The following FABP1 variants were observed in gnomAD, a reference collection of about 807,000 sequenced individuals.
FABP1 encodes fatty acid binding protein 1.
In FABP1, 13 loss-of-function variants were observed where a neutral mutation model predicts 13.7. That is an observed-to-expected ratio of 0.95 (90% CI 0.62 to 1.51). FABP1 has a LOEUF of 1.51. Among genes scored for constraint, FABP1 ranks in the 40% most tolerant of loss-of-function variants. The pLI, the probability that FABP1 is intolerant of heterozygous loss-of-function variation, is 0.00. For missense variants in FABP1, 140 were observed against 155.7 expected (o/e 0.90, Z 0.54); for synonymous variants, 48 against 59.8 (o/e 0.80, Z 0.91).
At chr2:88,125,964 A>G in intron 2 of FABP1, 1 of 460,924 alleles carries the variant, frequency 2.2e-6, no homozygotes, top group Admixed American at 3.2e-5. Context: ...TAGGGGCTGG[A>G]ACACCCCCCA....
chr2:88,124,504 A>G lies in FABP1; in HGVS notation c.323T>C (p.Ile108Thr), dbSNP rs1379921777. ...IKSVTELNGD[I>T]ITNTMTLGDI... ...GCACCACCAACTTACATTGGTGATT[A>G]TGTCGCCGTTGAGTTCGGTCACAGA... Residue 108 changes from isoleucine to threonine, a missense_variant, in exon 3 of 4, where the codon ATA becomes ACA. Physicochemically the swap from Ile to Thr is moderately conservative, Grantham distance 89 (BLOSUM62 -1). Coordinates refer to ENST00000295834, the MANE Select transcript of FABP1 (RefSeq NM_001443.3). 1.2e-6 allele frequency: 2 copies of G among 1,606,538 alleles called. No individual in the cohort carries two copies. The highest frequency in any genetic ancestry group is 1.3e-5 in the African/African-American group (1 of 74,576).
At chr2:88,127,834 G>T in intron 1 of FABP1, 117 bp downstream of exon 1, 1 of 1,056,100 alleles carries the variant, frequency 9.5e-7, no homozygotes, top group Non-Finnish European at 1.5e-6. Context: ...CCTAGTTTGT[G>T]TATATAGCCT....
At chr2:88,126,084 TG>T in intron 2 of FABP1, 91 bp downstream of exon 2, 1 of 1,350,924 alleles carries the variant, frequency 7.4e-7, no homozygotes, top group African/African-American at 1.4e-5. Context: ...ATGGTATCTG[TG>T]GGTGGAATTG....
intron 2 of FABP1, among the ~76,000 whole-genome samples, chr2:88,125,352 G>A (rs1675276840): frequency 6.6e-6 from 1 of 152,152 alleles, no homozygotes; most frequent in Admixed American, 6.5e-5. Flanking sequence ...AATTGGAGAG[G>A]CAGAAATAAA....
rs1470362971 is a variant in FABP1 at position 88,123,048 on chromosome 2, AC to A, written c.*5del. 6.2e-7 allele frequency: 1 copy of A among 1,605,480 alleles called. No homozygotes were observed. Among genetic ancestry groups the A allele is most frequent in the East Asian group, 2.2e-5 (1 of 44,804 alleles). ...CACACTAAAATAATATGAAATGCAGACTTGTTTAAATTCTCTTGCTGATTCT... is the reference window on the plus strand; with the variant it reads ...CACACTAAAATAATATGAAATGCAGATTGTTTAAATTCTCTTGCTGATTCT... On this transcript the variant is annotated 3_prime_UTR_variant, in exon 4 of 4. Transcript: ENST00000295834.
chr2:88,126,384 A>G (rs750461029), intron 1 of FABP1, 36 bp from the exon 2 acceptor site: 5 of 1,592,962 alleles, frequency 3.1e-6, no homozygotes, highest in Non-Finnish European at 4.3e-6. Flanking sequence ...ATATGGGCAG[A>G]GGTGGGAGTT....
chr2:88,124,449 C>A (rs754266246), intron 3 of FABP1, 45 bp downstream of exon 3: 1 of 1,459,028 alleles, frequency 6.9e-7, no homozygotes, highest in Non-Finnish European at 9.5e-7. Flanking sequence ...CTCCCCTCTC[C>A]CCTCAAGCAC....
At chr2:88,126,125 C>A in intron 2 of FABP1, 51 bp downstream of exon 2, 2 of 1,550,510 alleles carry the variant, frequency 1.3e-6, no homozygotes, top group Non-Finnish European at 8.8e-7. Context: ...AATGAGGTCC[C>A]AGGGCCAGGT....
chr2:88,123,152 G>T, intron 3 of FABP1, 48 bp from the exon 4 acceptor site: 2 of 1,505,102 alleles, frequency 1.3e-6, no homozygotes, highest in Non-Finnish European at 1.8e-6. Flanking sequence ...ATGTTGTATT[G>T]TAAAAAACAA....
rs926955597 is a variant in FABP1 at position 88,125,549 on chromosome 2, T to C, written c.240+627A>G. 2.0e-5 allele frequency among the ~76,000 whole-genome samples: 3 copies of C among 152,274 alleles called. No homozygotes were observed. The South Asian group carries it at 6.2e-4, about 32-fold the overall frequency. On this transcript the variant is annotated intron_variant, in intron 2 of 3. Transcript: ENST00000295834. Reference sequence around the variant, plus strand: ...CACACAGCCCACACCCCAGCTGTCATTGCACACCATGAGTTGTGCCCAGCA... The same window carrying C: ...CACACAGCCCACACCCCAGCTGTCACTGCACACCATGAGTTGTGCCCAGCA...
At chr2:88,123,438 C>T (rs1164973520) in intron 3 of FABP1, 5 of 300,542 alleles carry the variant, frequency 1.7e-5, no homozygotes, top group South Asian at 1.6e-4. Flanking sequence ...ACCTACTATG[C>T]ACCAAATACA....
At chr2:88,124,809 A>G (rs1013860616) in intron 2 of FABP1, among the ~76,000 whole-genome samples, 2 of 152,220 alleles carry the variant, frequency 1.3e-5, no homozygotes, top group African/African-American at 2.4e-5. Flanking sequence ...AATTCATGGC[A>G]TGTGATCTAG....
rs547391180 is a variant in FABP1, at chr2:88,126,491, C to T, written c.68-143G>A. On this transcript the variant is annotated intron_variant, in intron 1 of 3. Transcript: ENST00000295834. ...AGGGGCCACAGAAACTCACTGGGGG[C>T]TTGTCAGCAGCATCGGCTGTGGCCT... The T allele has an allele frequency of 1.8e-4, 141 of 796,562 alleles. 1 individual carries two copies. The highest frequency in any genetic ancestry group is 1.5e-3 in the South Asian group (84 of 57,142). The allele number at this position is 796,562 out of a possible 1,614,324, so 49.3% of individuals were successfully genotyped here.
rs1174920248 is a variant in FABP1 at position 88,127,992 on chromosome 2, A to T, written c.26T>A (p.Leu9Gln). ...GGCTTCAAAGTTTTCCTGGCTCTGCAGTTGGTACTTGCCGGAGAAACTCAT... is the reference window on the plus strand; with the variant it reads ...GGCTTCAAAGTTTTCCTGGCTCTGCTGTTGGTACTTGCCGGAGAAACTCAT... MSFSGKYQ[L>Q]QSQENFEAFM... Residue 9 changes from leucine (L) to glutamine (Q), a missense_variant, in exon 1 of 4, where the codon CTG (leucine) becomes CAG (glutamine). By Grantham distance (113) the Leu-to-Gln change is moderately radical. Transcript: ENST00000295834. 1 of 1,614,054 alleles carries T rather than the reference A, an allele frequency of 6.2e-7. No homozygotes were observed. Among genetic ancestry groups the T allele is most frequent in the Non-Finnish European group, 8.5e-7 (1 of 1,180,024 alleles).
chr2:88,125,718 T>C (rs528853708), intron 2 of FABP1, among the ~76,000 whole-genome samples: 2 of 152,322 alleles, frequency 1.3e-5, no homozygotes, highest in African/African-American at 2.4e-5. Context: ...TATTCTGGTA[T>C]TGCTAGCACC....
At chr2:88,124,720 C>G in intron 2 of FABP1, 134 bp from the exon 3 acceptor site, 1 of 604,030 alleles carries the variant, frequency 1.7e-6, no homozygotes, top group Non-Finnish European at 2.9e-6. Flanking sequence ...TCCCAAGCCT[C>G]TAGTTCTCTG....
Position 88,126,232 on chromosome 2 carries a change from C to T in FABP1, c.184G>A (p.Glu62Lys), listed in dbSNP as rs184923111. 2.6e-4 allele frequency: 416 copies of T among 1,612,778 alleles called. No individual in the cohort carries two copies. Among genetic ancestry groups the T allele is most frequent in the Non-Finnish European group, 3.4e-4 (395 of 1,178,972 alleles). The change falls in exon 2 of 4, where the codon GAA becomes AAA. Residue 62 changes from glutamate to lysine, a missense_variant. Coordinates refer to ENST00000295834, the MANE Select transcript of FABP1 (RefSeq NM_001443.3). ...ITAGSKVIQN[E>K]FTVGEECELE... is the part of the protein sequence containing the mutation. ...TCACATTCCTCCCCCACCGTGAATTCGTTTTGGATCACTTTGGACCCAGCG... is the reference window on the plus strand; with the variant it reads ...TCACATTCCTCCCCCACCGTGAATTTGTTTTGGATCACTTTGGACCCAGCG...
intron 1 of FABP1, 148 bp downstream of exon 1, chr2:88,127,803 C>A (rs966121573): frequency 2.5e-5 from 21 of 824,476 alleles, no homozygotes; most frequent in Non-Finnish European, 3.7e-5. Flanking sequence ...GCAAATAACT[C>A]CAGAAGTCAG....
chr2:88,123,366 A>G, intron 3 of FABP1: 1 of 491,914 alleles, frequency 2.0e-6, no homozygotes, highest in Non-Finnish European at 3.6e-6. Flanking sequence ...TTCTACATCA[A>G]TGACTGTTAT....
Sources: gnomAD v4.1 joint callset for allele counts (sites outside exome capture counted in the v4.1 genomes callset) on GRCh38, gnomAD v4.1.1 for gene constraint, MANE v1.5 for transcripts, NCBI Gene and HGNC (gene_info 2026-07-23, HGNC 2026-07-21) for gene names.